Variants in ZBTB7C observed in about 807,000 individuals in gnomAD.
The protein encoded by ZBTB7C is zinc finger and BTB domain containing 7C, also known as zinc finger and BTB domain-containing protein 7C.
In ZBTB7C, 8 loss-of-function variants were observed where a neutral mutation model predicts 25.7. That is an observed-to-expected ratio of 0.31 (90% CI 0.18 to 0.56). ZBTB7C has a LOEUF of 0.56. Ranked by LOEUF, ZBTB7C falls within the 20% of genes least tolerant of loss-of-function variation. The pLI, the probability that ZBTB7C is intolerant of heterozygous loss-of-function variation, is 0.91. For missense variants in ZBTB7C, 824 were observed against 855.2 expected (o/e 0.96, Z 0.46); for synonymous variants, 394 against 369.0 (o/e 1.07, Z -0.78).
intron 1 of ZBTB7C, among the ~76,000 whole-genome samples, chr18:48,369,935 G>A (rs2047346864): frequency 6.6e-6 from 1 of 152,028 alleles, no homozygotes; most frequent in Non-Finnish European, 1.5e-5. Flanking sequence ...AACAACAGCA[G>A]AATATGCATT....
intron 2 of ZBTB7C, among the ~76,000 whole-genome samples, chr18:48,224,403 A>C (rs1004498397): frequency 6.6e-6 from 1 of 152,206 alleles, no homozygotes; most frequent in African/African-American, 2.4e-5. Flanking sequence ...GGAGCAGAGG[A>C]AGGTTCATGG....
At position 48,040,467 on chromosome 18, in the gene ZBTB7C, C is replaced by A. The variant is rs763252963; in HGVS notation, c.641G>T (p.Gly214Val). ...PRDFPDSFQAGSPGHLGVIRD... is the reference protein window; with the variant it reads ...PRDFPDSFQAVSPGHLGVIRD... ...GATCACCCCCAGATGGCCAGGACTG[C>A]CAGCCTGGAAGGAGTCAGGGAAGTC... Residue 214 changes from glycine to valine, a missense_variant, in exon 4 of 5, where the codon GGC becomes GTC. Gly to Val is a moderately radical substitution (Grantham distance 109, BLOSUM62 -3). Coordinates refer to ENST00000590800, the MANE Select transcript of ZBTB7C (RefSeq NM_001318841.2). 2 of 1,607,976 alleles carry A rather than the reference C, an allele frequency of 1.2e-6. No homozygotes were observed. The highest frequency in any genetic ancestry group is 1.7e-6 in the Non-Finnish European group (2 of 1,176,708).
At chr18:48,263,430 C>T (rs952191474) in intron 2 of ZBTB7C, among the ~76,000 whole-genome samples, 1 of 152,220 alleles carries the variant, frequency 6.6e-6, no homozygotes, top group Admixed American at 6.5e-5. Flanking sequence ...TGCAGCCACT[C>T]GTCCAGACAT....
chr18:48,152,839 C>A (rs141395751), intron 3 of ZBTB7C, among the ~76,000 whole-genome samples: 1 of 152,212 alleles, frequency 6.6e-6, no homozygotes, highest in Non-Finnish European at 1.5e-5. Context: ...CTGTGCTAAG[C>A]GCTTTGCAAG....
At chr18:48,092,244 G>A (rs1328479186) in intron 3 of ZBTB7C, among the ~76,000 whole-genome samples, 1 of 152,188 alleles carries the variant, frequency 6.6e-6, no homozygotes, top group Non-Finnish European at 1.5e-5. Context: ...CAAATGTAAT[G>A]AACTTAACAC....
At position 48,028,878 on chromosome 18, in the gene ZBTB7C, C is replaced by A; in HGVS notation, c.*382G>T. 4.1e-6 allele frequency: 1 copy of A among 243,652 alleles called. No individual in the cohort carries two copies. Among genetic ancestry groups the A allele is most frequent in the Non-Finnish European group, 7.7e-6 (1 of 129,286 alleles). 15.1% of individuals were successfully genotyped at this position (243,652 alleles called of 1,614,324 possible). A position where few individuals can be genotyped will look rare whatever the true frequency, so the allele number is the denominator to read the frequency against. ...GGCTTAACCAAGGTGCATGCCCAGC[C>A]CCTACCTCCTCCTGCTGTGGCTGGC... is the stretch of plus-strand genomic sequence containing the variant. On this transcript the variant is annotated 3_prime_UTR_variant, in exon 5 of 5. Transcript: ENST00000590800.
At chr18:48,203,034 AC>A (rs2042492825) in intron 2 of ZBTB7C, among the ~76,000 whole-genome samples, 1 of 151,860 alleles carries the variant, frequency 6.6e-6, no homozygotes, top group Admixed American at 6.5e-5. Flanking sequence ...TCACCCAGCC[AC>A]GGCCCCTCCA....
At position 48,029,006 on chromosome 18, in the gene ZBTB7C, T is replaced by G; in HGVS notation, c.*254A>C. Reference sequence around the variant, plus strand: ...TGGCATGGGCCGGTGCAAGTTTCTATATGAGAGCCAGAGAGACAGGGAGGG... The same window carrying G: ...TGGCATGGGCCGGTGCAAGTTTCTAGATGAGAGCCAGAGAGACAGGGAGGG... On this transcript the variant is annotated 3_prime_UTR_variant, in exon 5 of 5. Coordinates refer to ENST00000590800, the MANE Select transcript of ZBTB7C (RefSeq NM_001318841.2). 1.0e-5 allele frequency: 5 copies of G among 498,928 alleles called. No individual in the cohort carries two copies. Among genetic ancestry groups the G allele is most frequent in the Non-Finnish European group, 6.8e-6 (2 of 293,166 alleles). The allele number at this position is 498,928 out of a possible 1,614,324, so 30.9% of individuals were successfully genotyped here. A position where few individuals can be genotyped will look rare whatever the true frequency, so the allele number is the denominator to read the frequency against.
chr18:48,127,403 C>T (rs1046197989), intron 3 of ZBTB7C, among the ~76,000 whole-genome samples: 9 of 152,220 alleles, frequency 5.9e-5, no homozygotes, highest in Admixed American at 3.9e-4. Flanking sequence ...CCTGATTCTA[C>T]AGAATCTTGC....
At chr18:48,155,503 ATT>A (rs796221679) in intron 3 of ZBTB7C, among the ~76,000 whole-genome samples, 5 of 133,946 alleles carry the variant, frequency 3.7e-5, no homozygotes, top group African/African-American at 1.1e-4. Context: ...AATTTTTTGT[ATT>A]TTTTTTTTTT....
rs115465524 is a variant in ZBTB7C, at chr18:48,238,525, C to T, written c.-78-52530G>A. ...ATCCTAACTGGGGAACCTGAAAATCCAGATCATGGGAGAAGGAGTTAACCT... is the reference window on the plus strand; with the variant it reads ...ATCCTAACTGGGGAACCTGAAAATCTAGATCATGGGAGAAGGAGTTAACCT... On this transcript the variant is annotated intron_variant, in intron 2 of 4. Coordinates refer to ENST00000590800, the MANE Select transcript of ZBTB7C (RefSeq NM_001318841.2). Among the ~76,000 whole-genome samples, 1,492 of 152,278 alleles carry T rather than the reference C, an allele frequency of 9.8e-3. 16 individuals are homozygous for T. Among genetic ancestry groups the T allele is most frequent in the African/African-American group, 0.033 (1,385 of 41,550 alleles).
intron 4 of ZBTB7C, among the ~76,000 whole-genome samples, chr18:48,035,471 G>A (rs1384505570): frequency 6.6e-6 from 1 of 152,248 alleles, no homozygotes; most frequent in Non-Finnish European, 1.5e-5. Flanking sequence ...ACTAACAGAA[G>A]GGCTGGGGGA....
At chr18:48,222,135 C>G (rs2145303442) in intron 2 of ZBTB7C, among the ~76,000 whole-genome samples, 1 of 152,260 alleles carries the variant, frequency 6.6e-6, no homozygotes, top group South Asian at 2.1e-4. Context: ...TCCTAGTCTC[C>G]TGTCTTTATT....
At chr18:48,094,978 A>G (rs756998136) in intron 3 of ZBTB7C, among the ~76,000 whole-genome samples, 1 of 152,102 alleles carries the variant, frequency 6.6e-6, no homozygotes, top group African/African-American at 2.4e-5. Context: ...TGTGTTTTCA[A>G]CCACATTTCA....
intron 3 of ZBTB7C, among the ~76,000 whole-genome samples, chr18:48,042,338 T>A (rs1319381621): frequency 1.3e-5 from 2 of 152,238 alleles, no homozygotes; most frequent in Non-Finnish European, 2.9e-5. Context: ...ACAAGCTTCA[T>A]AGGGCTCTTC....
chr18:48,313,679 G>A (rs941241973), intron 2 of ZBTB7C, among the ~76,000 whole-genome samples: 7 of 152,156 alleles, frequency 4.6e-5, no homozygotes, highest in African/African-American at 7.2e-5. Flanking sequence ...GCATGGGTAA[G>A]TAGAGCTGGT....
At chr18:48,181,221 G>C (rs2041912208) in intron 3 of ZBTB7C, among the ~76,000 whole-genome samples, 1 of 152,174 alleles carries the variant, frequency 6.6e-6, no homozygotes, top group South Asian at 2.1e-4. Context: ...GACTGGACTG[G>C]ACTGGACTCT....
chr18:48,196,525 A>G (rs1259749898), intron 2 of ZBTB7C, among the ~76,000 whole-genome samples: 1 of 152,058 alleles, frequency 6.6e-6, no homozygotes, highest in Non-Finnish European at 1.5e-5. Context: ...GAGTCTCTCA[A>G]TCAAACCACC....
intron 3 of ZBTB7C, among the ~76,000 whole-genome samples, chr18:48,069,386 G>C (rs2037459156): frequency 6.6e-6 from 1 of 152,180 alleles, no homozygotes; most frequent in African/African-American, 2.4e-5. Flanking sequence ...TCTCATCACT[G>C]TTCCTGACCG....
Sources: gnomAD v4.1 joint callset for allele counts (sites outside exome capture counted in the v4.1 genomes callset) on GRCh38, gnomAD v4.1.1 for gene constraint, MANE v1.5 for transcripts, NCBI Gene and HGNC (gene_info 2026-07-23, HGNC 2026-07-21) for gene names.